Variants in KANK1 observed in about 807,000 individuals in gnomAD.
KANK1 encodes KN motif and ankyrin repeat domain-containing protein 1.
Under a neutral mutation model 106.2 loss-of-function variants are expected in KANK1, and 109 were observed. That is an observed-to-expected ratio of 1.03 (90% CI 0.88 to 1.20). The LOEUF (loss-of-function observed/expected upper bound fraction) is 1.20. Among genes scored for constraint, KANK1 ranks in the 50% most tolerant of loss-of-function variants. The pLI, the probability that KANK1 is intolerant of heterozygous loss-of-function variation, is 0.00. For synonymous variants in KANK1, 873 were observed against 652.2 expected (o/e 1.34, Z -5.16); for missense variants, 2,399 against 1,710.7 (o/e 1.40, Z -7.10).
intron 1 of KANK1, among the ~76,000 whole-genome samples, chr9:524,150 C>T (rs1169182117): frequency 3.3e-5 from 5 of 151,844 alleles, no homozygotes; most frequent in Non-Finnish European, 7.3e-5. Flanking sequence ...CTGATTCCCT[C>T]TTCTGCTTTG....
At chr9:690,133 CAAAAAAAA>C (rs57837964) in intron 2 of KANK1, among the ~76,000 whole-genome samples, 10 of 61,662 alleles carry the variant, frequency 1.6e-4, no homozygotes, top group African/African-American at 3.8e-4. Flanking sequence ...TCTAAAAATA[CAAAAAAAA>C]AAAAAAAAAA....
chr9:563,010 A>G (rs1020662780), intron 1 of KANK1, among the ~76,000 whole-genome samples: 2 of 152,174 alleles, frequency 1.3e-5, no homozygotes, highest in African/African-American at 4.8e-5. Context: ...AGATCCATCA[A>G]TTCTCAAATC....
Position 491,499 on chromosome 9 carries a change from C to A in KANK1, c.-362+18226C>A, listed in dbSNP as rs187579408. Among the ~76,000 whole-genome samples the A allele has an allele frequency of 2.5e-3, 386 of 151,960 alleles. 1 individual carries two copies. The highest frequency in any genetic ancestry group is 4.5e-3 in the Non-Finnish European group (303 of 67,948). On this transcript the variant is annotated intron_variant, in intron 3 of 15. Transcript: ENST00000382303. ...GCCCAGGATGCTCTCAATGTCTTGA[C>A]CTCGTGATCCACCCTCCTCGGCCCC...
intron 1 of KANK1, among the ~76,000 whole-genome samples, chr9:622,747 C>CA (rs1436604547): frequency 3.3e-5 from 5 of 151,766 alleles, no homozygotes; most frequent in Non-Finnish European, 2.9e-5. Flanking sequence ...ACTAAAAATA[C>CA]AAAAAATGAG....
At chr9:588,583 G>GAA (rs112132969) in intron 1 of KANK1, among the ~76,000 whole-genome samples, 11 of 147,704 alleles carry the variant, frequency 7.4e-5, no homozygotes, top group African/African-American at 2.5e-4. Context: ...TTAGCAATTT[G>GAA]AAAAAAAAAA....
At chr9:716,118 A>G (rs1827629545) in intron 3 of KANK1, among the ~76,000 whole-genome samples, 1 of 152,248 alleles carries the variant, frequency 6.6e-6, no homozygotes. Context: ...CCTACCAAAA[A>G]GAGCATATAA....
At chr9:726,491 T>G (rs977985163) in intron 3 of KANK1, among the ~76,000 whole-genome samples, 2 of 151,726 alleles carry the variant, frequency 1.3e-5, no homozygotes, top group African/African-American at 4.8e-5. Flanking sequence ...ATACAAAAAT[T>G]AGCTAGGCAT....
chr9:701,685 C>G (rs1285068839), intron 2 of KANK1, among the ~76,000 whole-genome samples: 2 of 152,050 alleles, frequency 1.3e-5, no homozygotes, highest in African/African-American at 4.8e-5. Context: ...ACCTCCATGC[C>G]TCGTTTGGTT....
intron 1 of KANK1, among the ~76,000 whole-genome samples, chr9:505,063 G>T (rs1417069231): frequency 6.6e-6 from 1 of 151,934 alleles, no homozygotes; most frequent in Admixed American, 6.5e-5. Context: ...AGGCGCGCCG[G>T]GCACGGAGCA....
At chr9:574,240 A>T (rs917377767) in intron 1 of KANK1, among the ~76,000 whole-genome samples, 1 of 152,216 alleles carries the variant, frequency 6.6e-6, no homozygotes, top group African/African-American at 2.4e-5. Flanking sequence ...GATCATGAGG[A>T]TGTTGAGTGG....
chr9:731,444 T>G, intron 5 of KANK1, 178 bp downstream of exon 5: 2 of 496,272 alleles, frequency 4.0e-6, no homozygotes, highest in South Asian at 4.4e-5. Context: ...GTGCTGTCTT[T>G]AAGGATTTGT....
chr9:618,137 G>A (rs1832289472), intron 1 of KANK1, among the ~76,000 whole-genome samples: 1 of 152,140 alleles, frequency 6.6e-6, no homozygotes, highest in Admixed American at 6.5e-5. Flanking sequence ...AAAATATACA[G>A]GTTAAAGCCC....
intron 2 of KANK1, among the ~76,000 whole-genome samples, chr9:699,838 C>G (rs945743034): frequency 6.6e-6 from 1 of 152,090 alleles, no homozygotes; most frequent in African/African-American, 2.4e-5. Context: ...AAAAATTAGC[C>G]GGGTTTGGTC....
At chr9:691,274 A>C (rs1027795016) in intron 2 of KANK1, among the ~76,000 whole-genome samples, 1 of 149,048 alleles carries the variant, frequency 6.7e-6, no homozygotes, top group African/African-American at 2.5e-5. Flanking sequence ...AACTCTTACC[A>C]GAACACAATA....
intron 3 of KANK1, among the ~76,000 whole-genome samples, chr9:716,894 C>G (rs1315948922): frequency 6.6e-6 from 1 of 151,762 alleles, no homozygotes; most frequent in Non-Finnish European, 1.5e-5. Context: ...AGGATGATCT[C>G]TTGAGCCCAG....
chr9:530,485 T>G (rs924484758), intron 1 of KANK1, among the ~76,000 whole-genome samples: 1 of 152,220 alleles, frequency 6.6e-6, no homozygotes. Context: ...TCCCTCTGAC[T>G]AAATCCCCCA....
At chr9:616,577 T>C (rs1482159663) in intron 1 of KANK1, among the ~76,000 whole-genome samples, 1 of 152,228 alleles carries the variant, frequency 6.6e-6, no homozygotes, top group East Asian at 1.9e-4. Flanking sequence ...TTATATCCTC[T>C]ATCCTTCCAT....
chr9:670,197 A>G (rs991813179), intron 1 of KANK1, among the ~76,000 whole-genome samples: 4 of 152,156 alleles, frequency 2.6e-5, no homozygotes, highest in Non-Finnish European at 5.9e-5. Context: ...CAGAGAGCTC[A>G]TGAATCACCA....
At chr9:735,844 A>T (rs1833655721) in intron 7 of KANK1, 1 of 332,788 alleles carries the variant, frequency 3.0e-6, no homozygotes, top group Non-Finnish European at 6.5e-6. Flanking sequence ...AAATACAAAA[A>T]GTTAGCCAGG....
Sources: allele counts gnomAD v4.1 joint callset (sites outside exome capture counted in the v4.1 genomes callset), GRCh38; gene constraint gnomAD v4.1.1; transcripts MANE v1.5; gene names NCBI Gene and HGNC (gene_info 2026-07-23, HGNC 2026-07-21).